The following GADL1 variants were observed in gnomAD, a reference collection of about 807,000 sequenced individuals.
GADL1 encodes acidic amino acid decarboxylase GADL1.
A neutral mutation model predicts 69.5 loss-of-function variants in GADL1; 71 were observed. The ratio of observed to expected loss-of-function variants is 1.02; its 90% CI spans 0.84 to 1.25. The LOEUF is 1.25. GADL1 is among the 50% of genes most tolerant of loss of function. The pLI is 0.00. For missense variants in GADL1, 737 were observed against 631.8 expected (o/e 1.17, Z -1.79); for synonymous variants, 254 against 214.4 (o/e 1.18, Z -1.62).
At chr3:30,892,634 C>T (rs1698800523) in intron 1 of GADL1, among the ~76,000 whole-genome samples, 1 of 151,780 alleles carries the variant, frequency 6.6e-6, no homozygotes, top group African/African-American at 2.4e-5. Context: ...AAGTAGATAC[C>T]TTGGTTTTTT....
At chr3:30,782,959 GAA>G (rs1215569815) in intron 13 of GADL1, among the ~76,000 whole-genome samples, 3 of 152,158 alleles carry the variant, frequency 2.0e-5, no homozygotes, top group East Asian at 1.9e-4. Context: ...AACAATGTAA[GAA>G]AAATCACAAT....
At chr3:30,857,840 C>T (rs1212547258) in intron 2 of GADL1, among the ~76,000 whole-genome samples, 2 of 151,964 alleles carry the variant, frequency 1.3e-5, no homozygotes, top group Non-Finnish European at 2.9e-5. Flanking sequence ...GACACCCTAG[C>T]CTCCTTACTG....
intron 1 of GADL1, among the ~76,000 whole-genome samples, chr3:30,887,802 A>C (rs4955349): frequency 0.32 from 49,279 of 151,974 alleles, 9,506 homozygotes; most frequent in East Asian, 0.52. Flanking sequence ...AAAAAGACAT[A>C]TCATAGTTTC....
At chr3:30,773,862 C>T (rs1268009720) in intron 14 of GADL1, among the ~76,000 whole-genome samples, 2 of 152,110 alleles carry the variant, frequency 1.3e-5, no homozygotes, top group African/African-American at 4.8e-5. Context: ...AAAAATGGTA[C>T]AAAATTTACC....
At chr3:30,852,768 G>A (rs1698170247) in intron 4 of GADL1, among the ~76,000 whole-genome samples, 1 of 152,060 alleles carries the variant, frequency 6.6e-6, no homozygotes, top group African/African-American at 2.4e-5. Flanking sequence ...TTGAGTGGAT[G>A]GTTTAGCTTA....
intron 14 of GADL1, among the ~76,000 whole-genome samples, chr3:30,753,028 C>T (rs367628802): frequency 6.6e-6 from 1 of 152,110 alleles, no homozygotes; most frequent in Non-Finnish European, 1.5e-5. Context: ...AAAGGAGAGT[C>T]ATAACGGGCA....
intron 14 of GADL1, among the ~76,000 whole-genome samples, chr3:30,764,345 C>T (rs901667919): frequency 6.6e-6 from 1 of 151,298 alleles, no homozygotes; most frequent in African/African-American, 2.4e-5. Flanking sequence ...AGAAACCATG[C>T]AAAATTTGTT....
intron 1 of GADL1, among the ~76,000 whole-genome samples, chr3:30,869,353 C>T (rs989789575): frequency 4.6e-5 from 7 of 151,724 alleles, no homozygotes; most frequent in East Asian, 2.0e-4. Flanking sequence ...CCAATGAGAG[C>T]GGGTAACTGT....
Position 30,869,930 on chromosome 3 carries a change from A to C in GADL1, c.38-8165T>G, listed in dbSNP as rs781716211. ...AAAAGGCATAAAGTTTGATAGGTGA[A>C]GTCAGATAAAACATACTGAAATTTC... On this transcript the variant is annotated intron_variant, in intron 1 of 14. Transcript: ENST00000282538. 8.6e-5 allele frequency among the ~76,000 whole-genome samples: 13 copies of C among 152,018 alleles called. 1 individual carries two copies. Among genetic ancestry groups the C allele is most frequent in the South Asian group, 2.1e-4 (1 of 4,830 alleles).
intron 12 of GADL1, chr3:30,799,058 G>A (rs1391242888): frequency 6.6e-6 from 1 of 152,322 alleles, no homozygotes; most frequent in African/African-American, 2.4e-5. Context: ...CTGGCACACA[G>A]TGTAAGCTGT....
chr3:30,817,544 T>C (rs866770363), intron 11 of GADL1, among the ~76,000 whole-genome samples: 2 of 152,210 alleles, frequency 1.3e-5, no homozygotes, highest in Non-Finnish European at 2.9e-5. Context: ...TGGCTAATCC[T>C]CTAATGCTTG....
intron 12 of GADL1, chr3:30,798,296 G>A (rs540501164): frequency 6.6e-6 from 1 of 152,628 alleles, no homozygotes; most frequent in African/African-American, 2.4e-5. Context: ...GGAAGAAAAA[G>A]GTTTAATTGA....
In GADL1 at chr3:30,850,920, T is replaced by C; in HGVS notation, c.450A>G (p.Pro150=). 4.5e-6 allele frequency: 7 copies of C among 1,544,874 alleles called. No individual in the cohort carries two copies. Among genetic ancestry groups the C allele is most frequent in the Non-Finnish European group, 6.1e-6 (7 of 1,140,918 alleles). The change falls in exon 5 of 15, where the codon CCA becomes CCG. Residue 150 remains proline (P), a synonymous_variant. Coordinates refer to ENST00000282538, the MANE Select transcript of GADL1 (RefSeq NM_207359.3). ...CCGCTTCTTCCACTAACAGAAACAC[T>C]GGGGACACCTCATACGTATAACTAG... ...NPSVYTYEVS[P]VFLLVEEAVL... is the part of the protein sequence containing the mutation.
intron 14 of GADL1, among the ~76,000 whole-genome samples, chr3:30,746,596 C>T (rs1695706578): frequency 6.6e-6 from 1 of 152,090 alleles, no homozygotes; most frequent in Admixed American, 6.5e-5. Flanking sequence ...GATAAGGTGA[C>T]AGGTGGGCCA....
chr3:30,843,258 C>T (rs1352672398), intron 8 of GADL1, among the ~76,000 whole-genome samples: 3 of 139,214 alleles, frequency 2.2e-5, no homozygotes, highest in Admixed American at 2.1e-4. Context: ...AATGATACAC[C>T]TTTTTTTTTT....
intron 14 of GADL1, among the ~76,000 whole-genome samples, chr3:30,730,137 G>A (rs955723212): frequency 6.6e-6 from 1 of 152,152 alleles, no homozygotes; most frequent in African/African-American, 2.4e-5. Context: ...CAAATGTCCA[G>A]TTGATGCTGG....
chr3:30,741,008 T>TATATAATATATTATATATTATATATTAA (rs1695614185), intron 14 of GADL1, among the ~76,000 whole-genome samples: 1 of 102,886 alleles, frequency 9.7e-6, no homozygotes, highest in African/African-American at 4.5e-5. Flanking sequence ...TTAATATATA[T>TATATAATATATTATATATTATATATTAA]TATATATTAT....
At chr3:30,736,771 T>C (rs1398816072) in intron 14 of GADL1, among the ~76,000 whole-genome samples, 4 of 152,190 alleles carry the variant, frequency 2.6e-5, no homozygotes, top group African/African-American at 7.2e-5. Context: ...ACATTTTTCC[T>C]TTACAAAGTA....
chr3:30,801,274 C>CTGAAAGT (rs1189400825), intron 11 of GADL1, among the ~76,000 whole-genome samples, 186 bp from the exon 12 acceptor site: 3 of 152,168 alleles, frequency 2.0e-5, no homozygotes, highest in South Asian at 2.1e-4. Flanking sequence ...CATGGTGTTA[C>CTGAAAGT]CAAACAAAAC....
Sources: gnomAD v4.1 joint callset for allele counts (sites outside exome capture counted in the v4.1 genomes callset) on GRCh38, gnomAD v4.1.1 for gene constraint, MANE v1.5 for transcripts, NCBI Gene and HGNC (gene_info 2026-07-23, HGNC 2026-07-21) for gene names.